The following NTRK3 variants were observed in gnomAD, a reference collection of about 807,000 sequenced individuals.
NTRK3 encodes NT-3 growth factor receptor.
A neutral mutation model predicts 91.7 loss-of-function variants in NTRK3; 24 were observed. The observed-to-expected ratio is 0.26, with a 90% CI of 0.19 to 0.37. The LOEUF is 0.37. NTRK3 is among the 10% of genes least tolerant of loss of function. NTRK3 has a pLI of 1.00. For missense variants in NTRK3, 880 were observed against 1,068.9 expected, an observed-to-expected ratio of 0.82 and a Z score of 2.46; for synonymous variants, 483 against 404.0, an observed-to-expected ratio of 1.20 and a Z score of -2.34.
Position 88,071,885 on chromosome 15 carries a change from C to G in NTRK3, c.1397-38840G>C, listed in dbSNP as rs968684724. ...TGCCTCTGTCCAGCTTTTGAGTCCT[C>G]TTTTGGTGCCTTGGCTCTTAGTAGT... On this transcript the variant is annotated intron_variant, in intron 13 of 18. Coordinates refer to ENST00000394480, the Ensembl canonical transcript of NTRK3. Among the ~76,000 whole-genome samples, 4 of 152,260 alleles carry G rather than the reference C, an allele frequency of 2.6e-5. No homozygotes were observed. The South Asian group carries it at 6.2e-4, about 24-fold the overall frequency.
chr15:87,875,745 C>G, exon 19 of NTRK3: 1 of 233,152 alleles, frequency 4.3e-6, no homozygotes, highest in East Asian at 6.0e-5. Context: ...GAAACACTCA[C>G]TGCTGCAGCC....
At chr15:88,142,071 T>G (rs1597560440) in intron 6 of NTRK3, among the ~76,000 whole-genome samples, 1 of 152,212 alleles carries the variant, frequency 6.6e-6, no homozygotes, top group Non-Finnish European at 1.5e-5. Context: ...GACAGCCCAC[T>G]GAGCAAATCC....
At chr15:87,987,644 T>C (rs2074937382) in intron 14 of NTRK3, among the ~76,000 whole-genome samples, 2 of 152,130 alleles carry the variant, frequency 1.3e-5, no homozygotes, top group Non-Finnish European at 2.9e-5. Flanking sequence ...CATCTCAAGA[T>C]ACTGTTTGTC....
At chr15:88,145,692 C>A (rs2042825095) in intron 6 of NTRK3, among the ~76,000 whole-genome samples, 1 of 152,184 alleles carries the variant, frequency 6.6e-6, no homozygotes, top group Admixed American at 6.5e-5. Flanking sequence ...ATTCAGCCAA[C>A]AGCAGACCCC....
chr15:88,209,662 A>C (rs2049076108), intron 3 of NTRK3, among the ~76,000 whole-genome samples: 1 of 152,242 alleles, frequency 6.6e-6, no homozygotes, highest in Non-Finnish European at 1.5e-5. Context: ...CAGGAACAGC[A>C]GGGACTGCCC....
At chr15:88,238,082 G>T (rs1200122024) in intron 3 of NTRK3, among the ~76,000 whole-genome samples, 2 of 152,074 alleles carry the variant, frequency 1.3e-5, no homozygotes, top group Non-Finnish European at 2.9e-5. Context: ...ACAGAGAGAA[G>T]ACCATGTAAA....
intron 18 of NTRK3, among the ~76,000 whole-genome samples, chr15:87,878,652 C>T (rs1006973087): frequency 5.3e-5 from 8 of 152,270 alleles, no homozygotes; most frequent in East Asian, 3.9e-4. Context: ...ATGGAGAAAC[C>T]GATGATCAGA....
intron 3 of NTRK3, among the ~76,000 whole-genome samples, chr15:88,238,576 G>T (rs1243502576): frequency 1.3e-5 from 2 of 152,096 alleles, no homozygotes; most frequent in Non-Finnish European, 2.9e-5. Context: ...TTCAGCCCAC[G>T]ATTTTATCTT....
intron 14 of NTRK3, among the ~76,000 whole-genome samples, chr15:87,951,998 G>A (rs376837503): frequency 3.3e-5 from 5 of 152,036 alleles, no homozygotes; most frequent in African/African-American, 1.2e-4. Flanking sequence ...GTGATGGCAC[G>A]CACCTGTAAT....
intron 13 of NTRK3, among the ~76,000 whole-genome samples, chr15:88,070,625 A>G (rs1033872695): frequency 3.4e-4 from 52 of 151,912 alleles, no homozygotes; most frequent in African/African-American, 1.2e-3. Context: ...TTCCTTCCTG[A>G]TCTCCAGTAG....
chr15:87,862,020 T>C (rs1329591367), exon 19 of NTRK3: 5 of 213,282 alleles, frequency 2.3e-5, no homozygotes, highest in East Asian at 1.4e-4. Flanking sequence ...TCTGTACATA[T>C]TATTTCTAAA....
In NTRK3 at chr15:87,880,369, C is replaced by A. The variant is rs185398864; in HGVS notation, c.2193G>T (p.Arg731=). The A allele has an allele frequency of 1.1e-4, 170 of 1,614,148 alleles. 1 individual carries two copies. Among genetic ancestry groups the A allele is most frequent in the Non-Finnish European group, 1.4e-4 (168 of 1,180,028 alleles). The change falls in exon 18 of 19, where the codon CGG becomes CGT. Residue 731 remains arginine (R), a synonymous_variant. Coordinates refer to ENST00000394480, the Ensembl canonical transcript of NTRK3. The stretch of plus-strand genomic sequence containing the variant: ...ATACATCACTCTCTGTAGTGAACTT[C>A]CGGTACATGATGCTTTCAGGAGGCA...
chr15:87,941,838 C>T (rs966477477), intron 14 of NTRK3, among the ~76,000 whole-genome samples: 1 of 152,120 alleles, frequency 6.6e-6, no homozygotes, highest in Admixed American at 6.6e-5. Flanking sequence ...AGTGGGCTGG[C>T]GATGAAAAGA....
chr15:88,246,187 C>T (rs1598159866), intron 3 of NTRK3, among the ~76,000 whole-genome samples: 1 of 152,306 alleles, frequency 6.6e-6, no homozygotes, highest in South Asian at 2.1e-4. Context: ...TGCTCAAATA[C>T]AAGACTGCCT....
chr15:87,893,194 G>A lies in NTRK3; in HGVS notation c.2134-12766C>T, dbSNP rs556308527. On this transcript the variant is annotated intron_variant, in intron 17 of 18. Coordinates refer to ENST00000394480, the Ensembl canonical transcript of NTRK3. ...TCTTGTCTTTCCCCAAGGCTGTATC[G>A]TACCCCTCCTCAAGCCATCAGCTCT... 7.9e-5 allele frequency among the ~76,000 whole-genome samples: 12 copies of A among 152,158 alleles called. No individual in the cohort carries two copies. The South Asian group carries it at 1.0e-3, about 13-fold the overall frequency.
At chr15:88,231,677 C>T (rs1458447877) in intron 3 of NTRK3, among the ~76,000 whole-genome samples, 3 of 152,200 alleles carry the variant, frequency 2.0e-5, no homozygotes, top group Non-Finnish European at 4.4e-5. Flanking sequence ...CCTAGCTGAT[C>T]TCACTCCTGT....
chr15:88,151,967 T>A (rs979602759), intron 5 of NTRK3, among the ~76,000 whole-genome samples: 1 of 152,214 alleles, frequency 6.6e-6, no homozygotes, highest in South Asian at 2.1e-4. Context: ...TGTTTTCTGT[T>A]GTAATGTACT....
intron 5 of NTRK3, among the ~76,000 whole-genome samples, chr15:88,160,734 A>G (rs1445655628): frequency 6.6e-6 from 1 of 152,214 alleles, no homozygotes; most frequent in Non-Finnish European, 1.5e-5. Context: ...TGGGCAACTG[A>G]CAGTGGAGAA....
At chr15:88,210,466 G>A (rs2049145369) in intron 3 of NTRK3, among the ~76,000 whole-genome samples, 1 of 152,202 alleles carries the variant, frequency 6.6e-6, no homozygotes, top group South Asian at 2.1e-4. Context: ...TCAAGCAGTT[G>A]TTCCTCTGCA....
Sources: allele counts gnomAD v4.1 joint callset (sites outside exome capture counted in the v4.1 genomes callset), GRCh38; gene constraint gnomAD v4.1.1; transcripts MANE v1.5; gene names NCBI Gene and HGNC (gene_info 2026-07-23, HGNC 2026-07-21).